Variants in NLRP6 observed in about 807,000 individuals in gnomAD.
NLRP6 encodes the protein NLR family pyrin domain containing 6.
Under a neutral mutation model 70.9 loss-of-function variants are expected in NLRP6, and 55 were observed. That is an observed-to-expected ratio of 0.78 (90% CI 0.62 to 0.97). NLRP6 has a LOEUF of 0.97. Among genes scored for constraint, NLRP6 ranks in the 50% least tolerant of loss-of-function variants. The probability of loss-of-function intolerance (pLI) is 0.00; values close to 1 mark genes in which losing one functional copy is unlikely to be tolerated. For missense variants in NLRP6, 1,241 were observed against 1,238.3 expected, an observed-to-expected ratio of 1.00 and a Z score of -0.03; for synonymous variants, 652 against 581.9, an observed-to-expected ratio of 1.12 and a Z score of -1.73.
In NLRP6 at chr11:280,075, T is replaced by A; in HGVS notation, c.350-9T>A. 6.8e-7 allele frequency: 1 copy of A among 1,470,414 alleles called. No homozygotes were observed. The highest frequency in any genetic ancestry group is 9.0e-7 in the Non-Finnish European group (1 of 1,111,364). 91.1% of individuals were successfully genotyped at this position (1,470,414 alleles called of 1,614,324 possible). On this transcript the variant is annotated splice_polypyrimidine_tract_variant and intron_variant, in intron 3 of 7. Transcript: ENST00000534750. The stretch of plus-strand genomic sequence containing the variant: ...CCCTTGTCCCCGCGCTGTCTCCCGC[T>A]GCGCCCAGAGTACAAGAAGAAGTAC...
rs1308586814 is a variant in NLRP6 at position 279,308 on chromosome 11, C to A, written c.30-19C>A. The A allele has an allele frequency of 5.8e-5, 73 of 1,265,162 alleles. No homozygotes were observed. Among genetic ancestry groups the A allele is most frequent in the Non-Finnish European group, 7.2e-5 (72 of 1,005,550 alleles). 78.4% of individuals were successfully genotyped at this position (1,265,162 alleles called of 1,614,324 possible). Reference sequence around the variant, plus strand: ...ACCCGAGGGCCGCTCCCCGATGACCCGCGCCCGCCCGCCTCCAGCACGGGG... The same window carrying A: ...ACCCGAGGGCCGCTCCCCGATGACCAGCGCCCGCCCGCCTCCAGCACGGGG... On this transcript the variant is annotated intron_variant, in intron 1 of 7. Transcript: ENST00000534750.
Position 281,699 on chromosome 11 carries a change from C to T in NLRP6, c.1965C>T (p.Asp655=), listed in dbSNP as rs1564833267. The change falls in exon 4 of 8, where the codon GAC becomes GAT. Residue 655 remains aspartate, a synonymous_variant. Transcript: ENST00000534750. ...AGCGAGTGCGCTTCTGCCGCATGGA[C>T]GTGGCTGTTCTGAGCTACTGCGTGA... ...ALQRVRFCRM[D]VAVLSYCVRC... 7 of 1,613,438 alleles carry T rather than the reference C, an allele frequency of 4.3e-6. No individual in the cohort carries two copies. Among genetic ancestry groups the T allele is most frequent in the South Asian group, 2.2e-5 (2 of 91,086 alleles).
chr11:284,285 A>AG lies in NLRP6; in HGVS notation c.2257dup (p.Ala753GlyfsTer17), dbSNP rs1416995848. ...CTGCCGAGACCTTTCTGAGGCCCTG[A>AG]GGGCAGCCCCCGCACTGACGGAGCT... On this transcript the variant is annotated frameshift_variant, in exon 6 of 8. Transcript: ENST00000534750. LOFTEE classifies it high-confidence loss of function. The AG allele has an allele frequency of 5.0e-6, 8 of 1,612,908 alleles. No homozygotes were observed. Among genetic ancestry groups the AG allele is most frequent in the Non-Finnish European group, 5.9e-6 (7 of 1,179,982 alleles).
At chr11:283,844 AGTAAGAT>A (rs1845513904) in intron 5 of NLRP6, among the ~76,000 whole-genome samples, 1 of 152,028 alleles carries the variant, frequency 6.6e-6, no homozygotes, top group African/African-American at 2.4e-5. Context: ...CTGCTGGTAA[AGTAAGAT>A]GTTCAGCACA....
chr11:278,558 G>A lies in NLRP6; in HGVS notation c.-12G>A. 1.3e-6 allele frequency: 2 copies of A among 1,586,856 alleles called. No individual in the cohort carries two copies. The highest frequency in any genetic ancestry group is 1.8e-5 in the Admixed American group (1 of 56,218). Reference sequence around the variant, plus strand: ...TGCCCCGGAGTGCTAGACCCAGGGAGGAAGAGACCCCATGGACCAGCCAGA... The same window carrying A: ...TGCCCCGGAGTGCTAGACCCAGGGAAGAAGAGACCCCATGGACCAGCCAGA... On this transcript the variant is annotated 5_prime_UTR_variant, in exon 1 of 8. Coordinates refer to ENST00000534750, the MANE Select transcript of NLRP6 (RefSeq NM_001276700.2). This position sits in a 1 kb window ranked among gnomAD's most constrained non-coding sequence, Gnocchi z 4.7.
In NLRP6 at chr11:280,416, C is replaced by T; in HGVS notation, c.682C>T (p.Gln228Ter). The part of the protein sequence containing the change: ...DWAAGKLYQG[Q>*]VDFAFFMPCG... ...GGCGGCGGGCAAGCTGTACCAGGGC[C>T]AGGTGGACTTCGCCTTCTTCATGCC... The change falls in exon 4 of 8, where the codon CAG (glutamine) becomes TAG (stop). Residue 228 changes from glutamine to a stop codon, truncating the protein, a stop_gained. Transcript: ENST00000534750. LOFTEE classifies it high-confidence loss of function. The T allele has an allele frequency of 6.3e-7, 1 of 1,587,372 alleles. No individual in the cohort carries two copies. The highest frequency in any genetic ancestry group is 8.5e-7 in the Non-Finnish European group (1 of 1,175,152).
chr11:281,625 G>A lies in NLRP6; in HGVS notation c.1891G>A (p.Asp631Asn), dbSNP rs773910767. The change falls in exon 4 of 8, where the codon GAC becomes AAC. Residue 631 changes from aspartate (D) to asparagine (N), a missense_variant. Transcript: ENST00000534750. ...LLYCLYETQE[D>N]AFVRQALCRF... ...GTACTGCCTGTACGAGACGCAGGAG[G>A]ACGCGTTTGTGCGCCAAGCCCTGTG... 4 of 1,612,852 alleles carry A rather than the reference G, an allele frequency of 2.5e-6. No homozygotes were observed. The highest frequency in any genetic ancestry group is 2.5e-6 in the Non-Finnish European group (3 of 1,179,696).
At chr11:285,041 G>A (rs954115659) in intron 7 of NLRP6, 125 bp from the exon 8 acceptor site, 7 of 763,702 alleles carry the variant, frequency 9.2e-6, no homozygotes, top group Admixed American at 2.5e-5. Flanking sequence ...ACTGCCCGCA[G>A]CCCGGCCACC....
chr11:283,684 A>G (rs996405476), intron 5 of NLRP6, among the ~76,000 whole-genome samples: 23 of 152,232 alleles, frequency 1.5e-4, no homozygotes, highest in African/African-American at 5.5e-4. Context: ...AGAAAGGAAG[A>G]GGAAATCTAG....
chr11:285,062 T>C, intron 7 of NLRP6, 104 bp from the exon 8 acceptor site: 1 of 1,000,768 alleles, frequency 1.0e-6, no homozygotes, highest in Non-Finnish European at 1.5e-6. Context: ...CCCACGGCAC[T>C]GCCCGTCACT....
rs1845497131 is a variant in NLRP6, at chr11:282,764, T to C, written c.2165T>C (p.Met722Thr). The stretch of plus-strand genomic sequence containing the variant: ...CTTCTTCATCCACTCTTTCAGGCAA[T>C]GACTGACCCACTGTGCCATCTGAGC... ...ASLLHPLFQA[M>T]TDPLCHLSSL... The change falls in exon 5 of 8, where the codon ATG becomes ACG. Residue 722 changes from methionine to threonine, a missense_variant. Coordinates refer to ENST00000534750, the MANE Select transcript of NLRP6 (RefSeq NM_001276700.2). The C allele has an allele frequency of 6.2e-7, 1 of 1,614,044 alleles. No individual in the cohort carries two copies. Among genetic ancestry groups the C allele is most frequent in the African/African-American group, 1.3e-5 (1 of 75,050 alleles).
At chr11:279,191 C>A (rs1036466121) in intron 1 of NLRP6, 136 bp from the exon 2 acceptor site, 2 of 770,752 alleles carry the variant, frequency 2.6e-6, no homozygotes, top group Non-Finnish European at 3.5e-6. Context: ...CTCCCGCCAC[C>A]CCATGGATCC....
chr11:279,157 T>C (rs1845428919), intron 1 of NLRP6, 170 bp from the exon 2 acceptor site: 1 of 530,460 alleles, frequency 1.9e-6, no homozygotes, highest in Admixed American at 4.5e-5. Context: ...GAGGGAAAAG[T>C]CTGGGGTCAC....
At position 280,608 on chromosome 11, in the gene NLRP6, G is replaced by A. The variant is rs1845457819; in HGVS notation, c.874G>A (p.Ala292Thr). 2.8e-6 allele frequency: 4 copies of A among 1,448,066 alleles called. No homozygotes were observed. The highest frequency in any genetic ancestry group is 3.6e-6 in the Non-Finnish European group (4 of 1,113,034). The allele number at this position is 1,448,066 out of a possible 1,614,324, so 89.7% of individuals were successfully genotyped here. A position where few individuals can be genotyped will look rare whatever the true frequency, so the allele number is the denominator to read the frequency against. Residue 292 changes from alanine (A) to threonine (T), a missense_variant, in exon 4 of 8, where the codon GCC (alanine) becomes ACC (threonine). Coordinates refer to ENST00000534750, the MANE Select transcript of NLRP6 (RefSeq NM_001276700.2). ...DELPALGGPE[A>T]APCTDPFEAA... ...GCTGCCGGCGCTGGGGGGCCCCGAG[G>A]CCGCGCCCTGCACAGACCCCTTCGA...
In NLRP6 at chr11:280,960, C is replaced by T; in HGVS notation, c.1226C>T (p.Ser409Leu). ...RQQLELGRDL[S>L]RTSKTTTSVY... ...CAGCTGGAGCTCGGTCGGGACCTGT[C>T]GCGCACGTCCAAGACCACCACGTCA... Residue 409 changes from serine (S) to leucine (L), a missense_variant, in exon 4 of 8, where the codon TCG (serine) becomes TTG (leucine). Physicochemically the swap from Ser to Leu is moderately radical, Grantham distance 145 (BLOSUM62 -2). Coordinates refer to ENST00000534750, the MANE Select transcript of NLRP6 (RefSeq NM_001276700.2). 6.2e-7 allele frequency: 1 copy of T among 1,613,218 alleles called. No individual in the cohort carries two copies. The highest frequency in any genetic ancestry group is 8.5e-7 in the Non-Finnish European group (1 of 1,179,964).
chr11:280,553 G>T lies in NLRP6; in HGVS notation c.819G>T (p.Arg273=). 3.3e-6 allele frequency: 5 copies of T among 1,529,752 alleles called. No homozygotes were observed. Among genetic ancestry groups the T allele is most frequent in the African/African-American group, 1.4e-5 (1 of 70,042 alleles). The allele number at this position is 1,529,752 out of a possible 1,614,324, so 94.8% of individuals were successfully genotyped here. ...CGCAGATGCTGGCCCAGCCGCAGCG[G>T]CTGCTCTTCATCCTGGACGGCGCGG... ...PVPQMLAQPQ[R]LLFILDGADE... The change falls in exon 4 of 8, where the codon CGG becomes CGT. Residue 273 remains arginine, a synonymous_variant. Transcript: ENST00000534750.
Position 284,564 on chromosome 11 carries a change from G to GC in NLRP6, c.2460dup (p.Cys821LeufsTer84). 2.5e-6 allele frequency: 4 copies of GC among 1,612,500 alleles called. No individual in the cohort carries two copies. The highest frequency in any genetic ancestry group is 3.4e-6 in the Non-Finnish European group (4 of 1,179,862). ...GCCCTGACCACCCTGGATCTCAGCG[G>GC]CTGCCAACTGCCCGCCCCCATGGTG... is the stretch of plus-strand genomic sequence containing the variant. On this transcript the variant is annotated frameshift_variant, in exon 7 of 8. Coordinates refer to ENST00000534750, the MANE Select transcript of NLRP6 (RefSeq NM_001276700.2). LOFTEE classifies it high-confidence loss of function.
chr11:279,858 T>C lies in NLRP6; in HGVS notation c.335T>C (p.Leu112Pro). The C allele has an allele frequency of 6.4e-7, 1 of 1,557,024 alleles. No homozygotes were observed. The highest frequency in any genetic ancestry group is 8.7e-7 in the Non-Finnish European group (1 of 1,155,628). ...LQRLGLGSGT[L>P]LSVSEYKKKY... ...GGGCTCGGGCTCGGCTCCGGGACGC[T>C]GCTCTCCGTGTCCGGTGGGTCTCTC... Residue 112 changes from leucine to proline, a missense_variant, in exon 3 of 8, where the codon CTG (leucine) becomes CCG (proline). Physicochemically the swap from Leu to Pro is moderately conservative, Grantham distance 98. Transcript: ENST00000534750.
rs1157194828 is a variant in NLRP6 at position 279,871 on chromosome 11, C to T, written c.348C>T (p.Ser116=). ...GCTCCGGGACGCTGCTCTCCGTGTCCGGTGGGTCTCTCGCTGGGGGGGCAC... is the reference window on the plus strand; with the variant it reads ...GCTCCGGGACGCTGCTCTCCGTGTCTGGTGGGTCTCTCGCTGGGGGGGCAC... ...GLGSGTLLSV[S]EYKKKYREHV... Residue 116 remains serine (S), a splice_region_variant and synonymous_variant, in exon 3 of 8, where the codon TCC becomes TCT. Coordinates refer to ENST00000534750, the MANE Select transcript of NLRP6 (RefSeq NM_001276700.2). 3 of 1,544,898 alleles carry T rather than the reference C, an allele frequency of 1.9e-6. No individual in the cohort carries two copies. The highest frequency in any genetic ancestry group is 1.7e-6 in the Non-Finnish European group (2 of 1,149,702).
Sources: gnomAD v4.1 joint callset for allele counts (sites outside exome capture counted in the v4.1 genomes callset) on GRCh38, gnomAD v4.1.1 for gene constraint, Gnocchi (gnomAD v3.1) non-coding constraint, MANE v1.5 for transcripts, NCBI Gene and HGNC (gene_info 2026-07-23, HGNC 2026-07-21) for gene names.